Variants in SEC24B observed in about 807,000 individuals in gnomAD.
SEC24B encodes SEC24 homolog B, COPII component.
A neutral mutation model predicts 142.8 loss-of-function variants in SEC24B; 45 were observed. The observed-to-expected ratio is 0.32, with a 90% CI of 0.25 to 0.40. The LOEUF (loss-of-function observed/expected upper bound fraction) is 0.40. Ranked by LOEUF, SEC24B falls within the 10% of genes least tolerant of loss-of-function variation. The probability of loss-of-function intolerance (pLI) is 1.00; values close to 1 mark genes in which losing one functional copy is unlikely to be tolerated. For missense variants in SEC24B, 1,409 were observed against 1,526.8 expected, an observed-to-expected ratio of 0.92 and a Z score of 1.29; for synonymous variants, 574 against 568.2, an observed-to-expected ratio of 1.01 and a Z score of -0.15.
intron 14 of SEC24B, 89 bp downstream of exon 14, chr4:109,521,715 GT>G: frequency 9.5e-7 from 1 of 1,048,512 alleles, no homozygotes; most frequent in Non-Finnish European, 1.4e-6. Context: ...TGGCAAGAGA[GT>G]TGGGTTTTTT....
chr4:109,442,341 G>T (rs1729010002), intron 1 of SEC24B, among the ~76,000 whole-genome samples: 1 of 152,060 alleles, frequency 6.6e-6, no homozygotes. Flanking sequence ...TAGGACCATG[G>T]CTATGACTCA....
At chr4:109,443,777 A>C (rs1729153505) in intron 1 of SEC24B, among the ~76,000 whole-genome samples, 1 of 152,204 alleles carries the variant, frequency 6.6e-6, no homozygotes, top group South Asian at 2.1e-4. Context: ...TTAAAGTAAT[A>C]GGGAATCTTA....
chr4:109,467,525 G>A (rs1011993404), intron 2 of SEC24B, among the ~76,000 whole-genome samples: 1 of 152,114 alleles, frequency 6.6e-6, no homozygotes, highest in African/African-American at 2.4e-5. Flanking sequence ...TAGATAATAA[G>A]TACAGAAGCT....
At position 109,447,562 on chromosome 4, in the gene SEC24B, C is replaced by T. The variant is rs77496873; in HGVS notation, c.133+13560C>T. On this transcript the variant is annotated intron_variant, in intron 1 of 23. Coordinates refer to ENST00000265175, the MANE Select transcript of SEC24B (RefSeq NM_006323.5). ...ACCAGCTCAGCATTCTATTTGACTTCACCATATCAGTAAGCATCTTAAGTG... is the reference window on the plus strand; with the variant it reads ...ACCAGCTCAGCATTCTATTTGACTTTACCATATCAGTAAGCATCTTAAGTG... Among the ~76,000 whole-genome samples the T allele has an allele frequency of 7.6e-3, 1,150 of 152,222 alleles. 16 individuals carry two copies. The highest frequency in any genetic ancestry group is 0.025 in the African/African-American group (1,048 of 41,520).
intron 3 of SEC24B, among the ~76,000 whole-genome samples, chr4:109,478,573 GGTTA>G (rs1226342425): frequency 1.3e-5 from 2 of 152,222 alleles, no homozygotes; most frequent in East Asian, 3.9e-4. Flanking sequence ...GAAGAACAGA[GGTTA>G]GTAACTTGCT....
chr4:109,528,188 A>G (rs954088769), intron 18 of SEC24B, among the ~76,000 whole-genome samples: 1 of 152,038 alleles, frequency 6.6e-6, no homozygotes, highest in Non-Finnish European at 1.5e-5. Flanking sequence ...TGGGAAGCTG[A>G]AGTGGGCGGA....
intron 21 of SEC24B, 33 bp from the exon 22 acceptor site, chr4:109,533,560 G>T (rs971123881): frequency 4.8e-6 from 6 of 1,249,836 alleles, no homozygotes; most frequent in Non-Finnish European, 5.9e-6. Flanking sequence ...AACTATTAGG[G>T]AGTTTTAATA....
At chr4:109,443,322 C>T (rs1366233575) in intron 1 of SEC24B, among the ~76,000 whole-genome samples, 1 of 152,148 alleles carries the variant, frequency 6.6e-6, no homozygotes. Flanking sequence ...AGAACTTTGT[C>T]CCTCCGATTA....
intron 5 of SEC24B, among the ~76,000 whole-genome samples, chr4:109,493,080 A>G (rs1038648090): frequency 2.0e-5 from 3 of 151,892 alleles, no homozygotes; most frequent in Non-Finnish European, 2.9e-5. Context: ...CTTTCTGCCT[A>G]TGTTTCCATC....
At chr4:109,487,533 G>T (rs115642604) in intron 4 of SEC24B, among the ~76,000 whole-genome samples, 361 of 152,318 alleles carry the variant, frequency 2.4e-3, no homozygotes, top group African/African-American at 8.0e-3. Flanking sequence ...CACTAAGATG[G>T]TGGGGAAATT....
At chr4:109,526,461 C>T in intron 17 of SEC24B, 62 bp downstream of exon 17, 1 of 1,274,848 alleles carries the variant, frequency 7.8e-7, no homozygotes, top group Non-Finnish European at 1.1e-6. Flanking sequence ...TTCACATGGC[C>T]TTTAGTGGAG....
intron 18 of SEC24B, among the ~76,000 whole-genome samples, chr4:109,527,726 C>T (rs981880235): frequency 1.3e-5 from 2 of 151,366 alleles, no homozygotes; most frequent in Non-Finnish European, 1.5e-5. Flanking sequence ...GAGCCGAGAC[C>T]GCATCACTCC....
At position 109,506,355 on chromosome 4, in the gene SEC24B, T is replaced by C; in HGVS notation, c.1516T>C (p.Ser506Pro). 6.3e-7 allele frequency: 1 copy of C among 1,586,228 alleles called. No individual in the cohort carries two copies. Among genetic ancestry groups the C allele is most frequent in the Non-Finnish European group, 8.6e-7 (1 of 1,167,756 alleles). ...GTATCCTGGTGTGAACCAGCTATCC[T>C]CCAGTATAGGAGGATTGAGTCTTCA... ...QQYPGVNQLS[S>P]SIGGLSLQSS... is the part of the protein sequence containing the mutation. The change falls in exon 7 of 24, where the codon TCC (serine) becomes CCC (proline). Residue 506 changes from serine (S) to proline (P), a missense_variant. This residue lies in a region of SEC24B where 709 missense variants were observed against 673.5 expected (regional missense o/e 1.05). Transcript: ENST00000265175.
At chr4:109,450,599 A>G (rs1489106766) in intron 1 of SEC24B, among the ~76,000 whole-genome samples, 2 of 150,616 alleles carry the variant, frequency 1.3e-5, no homozygotes, top group Non-Finnish European at 3.0e-5. Context: ...TGGAGGTTGC[A>G]GTGAGCCAAG....
rs1392172017 is a variant in SEC24B, at chr4:109,433,859, C to A, written c.-11C>A. The A allele has an allele frequency of 1.5e-6, 2 of 1,322,590 alleles. No individual in the cohort carries two copies. The highest frequency in any genetic ancestry group is 1.9e-6 in the Non-Finnish European group (2 of 1,033,546). 81.9% of individuals were successfully genotyped at this position (1,322,590 alleles called of 1,614,324 possible). A position where few individuals can be genotyped will look rare whatever the true frequency, so the allele number is the denominator to read the frequency against. On this transcript the variant is annotated 5_prime_UTR_variant, in exon 1 of 24. Transcript: ENST00000265175. ...CCCTGAAGCGGAGCCGCCGTCGCCACCAGCGCCGTCATGTCGGCCCCCGCC... is the reference window on the plus strand; with the variant it reads ...CCCTGAAGCGGAGCCGCCGTCGCCAACAGCGCCGTCATGTCGGCCCCCGCC...
In SEC24B at chr4:109,530,265, C is replaced by A. The variant is rs1341287040; in HGVS notation, c.3077-24C>A. The A allele has an allele frequency of 1.9e-6, 3 of 1,598,916 alleles. No individual in the cohort carries two copies. In the East Asian group the frequency reaches 6.7e-5, roughly 36 times the overall value. The stretch of plus-strand genomic sequence containing the variant: ...CCATTGGATTCTAATGGTTAAAATA[C>A]CTTTCACTTTGGTTGCTTTTTAGCT... On this transcript the variant is annotated intron_variant, in intron 18 of 23. Transcript: ENST00000265175.
At chr4:109,527,299 A>G (rs1724354766) in intron 17 of SEC24B, 23 bp from the exon 18 acceptor site, 2 of 1,485,156 alleles carry the variant, frequency 1.3e-6, no homozygotes, top group Non-Finnish European at 9.3e-7. Flanking sequence ...GATCTAATGT[A>G]TTTTCAATGA....
rs568345833 is a variant in SEC24B, at chr4:109,510,836, T to C, written c.1776+725T>C. Among the ~76,000 whole-genome samples the C allele has an allele frequency of 2.0e-5, 3 of 152,252 alleles. No individual in the cohort carries two copies. The South Asian group carries it at 6.2e-4, about 32-fold the overall frequency. Reference sequence around the variant, plus strand: ...TACTACTGTTGTTTACTACCCTTCTTACTGGTTCTGAGTTTTCTTTTGCTG... The same window carrying C: ...TACTACTGTTGTTTACTACCCTTCTCACTGGTTCTGAGTTTTCTTTTGCTG... On this transcript the variant is annotated intron_variant, in intron 8 of 23. Transcript: ENST00000265175.
intron 8 of SEC24B, among the ~76,000 whole-genome samples, chr4:109,510,596 A>T (rs1737216285): frequency 6.6e-6 from 1 of 152,182 alleles, no homozygotes; most frequent in Non-Finnish European, 1.5e-5. Context: ...ACACAAAGGA[A>T]ACACCAACAG....
Sources: allele counts gnomAD v4.1 joint callset (sites outside exome capture counted in the v4.1 genomes callset), GRCh38; gene constraint gnomAD v4.1.1; regional missense constraint gnomAD v4.1.1; transcripts MANE v1.5; gene names NCBI Gene and HGNC (gene_info 2026-07-23, HGNC 2026-07-21).